Variants in MATR3 observed in about 807,000 individuals in gnomAD.
MATR3 encodes matrin-3.
In MATR3, 4 loss-of-function variants were observed where a neutral mutation model predicts 85.5. The ratio of observed to expected loss-of-function variants is 0.05; its 90% confidence interval spans 0.02 to 0.11. The LOEUF is 0.11. Ranked by LOEUF, MATR3 falls within the 10% of genes least tolerant of loss-of-function variation. MATR3 has a pLI of 1.00. For missense variants in MATR3, 685 were observed against 1,016.1 expected (o/e 0.67, Z 4.43); for synonymous variants, 336 against 343.1 (o/e 0.98, Z 0.23).
chr5:139,284,321 T>C (rs918064391), intron 3 of MATR3, among the ~76,000 whole-genome samples: 2 of 152,154 alleles, frequency 1.3e-5, no homozygotes, highest in Non-Finnish European at 2.9e-5. Flanking sequence ...TAAGTGATGA[T>C]AATGGATTTG....
Position 139,274,147 on chromosome 5 carries a change from T to C in MATR3, c.-301T>C, listed in dbSNP as rs1173208770. 4 of 432,370 alleles carry C rather than the reference T, an allele frequency of 9.3e-6. 1 individual carries two copies. The highest frequency in any genetic ancestry group is 6.5e-5 in the South Asian group (4 of 61,898). 26.8% of individuals were successfully genotyped at this position (432,370 alleles called of 1,614,324 possible). A position where few individuals can be genotyped will look rare whatever the true frequency, so the allele number is the denominator to read the frequency against. ...CCGGTGCTGCTGCGCCCTGCGGAGCTCCGAACACGTGCGCGTGAGTAAGGA... is the reference window on the plus strand; with the variant it reads ...CCGGTGCTGCTGCGCCCTGCGGAGCCCCGAACACGTGCGCGTGAGTAAGGA... On this transcript the variant is annotated 5_prime_UTR_variant, in exon 1 of 17. Coordinates refer to ENST00000509990, the Ensembl canonical transcript of MATR3.
At position 139,317,041 on chromosome 5, in the gene MATR3, CT is replaced by C; in HGVS notation, c.1130-10del. 1 of 1,603,696 alleles carries C rather than the reference CT, an allele frequency of 6.2e-7. No individual in the cohort carries two copies. Among genetic ancestry groups the C allele is most frequent in the Non-Finnish European group, 8.5e-7 (1 of 1,171,562 alleles). On this transcript the variant is annotated splice_polypyrimidine_tract_variant and intron_variant, in intron 5 of 14. Coordinates refer to ENST00000394805, the MANE Select transcript of MATR3 (RefSeq NM_018834.6). ...GTGATTACAAGACTGAAAACTTTCT[CT>C]TCCCATAAAGGTGCTGGAAATGGAA...
chr5:139,329,487 G>T lies in MATR3; in HGVS notation c.*92G>T, dbSNP rs1756024743. Reference sequence around the variant, plus strand: ...TTAAATACAATACTGATAGTTAGAAGAAAACTATTGTACTCTTTTGTTTTA... The same window carrying T: ...TTAAATACAATACTGATAGTTAGAATAAAACTATTGTACTCTTTTGTTTTA... On this transcript the variant is annotated 3_prime_UTR_variant, in exon 15 of 15. Transcript: ENST00000394805. 9.7e-7 allele frequency: 1 copy of T among 1,027,336 alleles called. No homozygotes were observed. Among genetic ancestry groups the T allele is most frequent in the Non-Finnish European group, 1.5e-6 (1 of 661,990 alleles). 63.6% of individuals were successfully genotyped at this position (1,027,336 alleles called of 1,614,324 possible). A position where few individuals can be genotyped will look rare whatever the true frequency, so the allele number is the denominator to read the frequency against.
At chr5:139,296,762 C>G (rs1183945006) in intron 1 of MATR3, among the ~76,000 whole-genome samples, 1 of 152,078 alleles carries the variant, frequency 6.6e-6, no homozygotes, top group Non-Finnish European at 1.5e-5. Flanking sequence ...GAATTGCAGC[C>G]AAAGAATTGA....
chr5:139,317,540 G>A, intron 6 of MATR3, 56 bp from the exon 7 acceptor site: 2 of 1,577,264 alleles, frequency 1.3e-6, no homozygotes, highest in Non-Finnish European at 1.7e-6. Flanking sequence ...TGCGTAATTG[G>A]TTTCATATTG....
At chr5:139,296,985 A>G (rs1218395631) in intron 1 of MATR3, among the ~76,000 whole-genome samples, 1 of 152,172 alleles carries the variant, frequency 6.6e-6, no homozygotes, top group African/African-American at 2.4e-5. Flanking sequence ...AGCTTGCCCA[A>G]CATGGCGAAA....
intron 2 of MATR3, chr5:139,276,342 G>A (rs1753274819): frequency 2.5e-6 from 1 of 398,910 alleles, no homozygotes. Flanking sequence ...ATTAAGGCAG[G>A]CGTGTTTTTT....
intron 1 of MATR3, among the ~76,000 whole-genome samples, chr5:139,298,317 A>T: frequency 6.6e-6 from 1 of 152,218 alleles, no homozygotes; most frequent in Non-Finnish European, 1.5e-5. Context: ...CACACCTGTA[A>T]TCCCAGCACT....
chr5:139,310,797 T>C (rs1754928742), intron 2 of MATR3: 1 of 151,882 alleles, frequency 6.6e-6, no homozygotes, highest in East Asian at 1.9e-4. Flanking sequence ...TTTCTTTTCT[T>C]TTTTTCTTTT....
At chr5:139,294,176 G>A in intron 1 of MATR3, 1 of 722,588 alleles carries the variant, frequency 1.4e-6, no homozygotes, top group Non-Finnish European at 1.9e-6. Context: ...CCCGTTACAC[G>A]CGGGCCGCGG....
rs1269705536 is a variant in MATR3, at chr5:139,308,381, A to G, written c.912+54A>G. 6 of 1,600,880 alleles carry G rather than the reference A, an allele frequency of 3.7e-6. No individual in the cohort carries two copies. In the East Asian group the frequency reaches 1.1e-4, roughly 30 times the overall value. On this transcript the variant is annotated intron_variant, in intron 2 of 14. Coordinates refer to ENST00000394805, the MANE Select transcript of MATR3 (RefSeq NM_018834.6). ...TTCTTTTACATTGTAGTGCCTATTT[A>G]CCTATATCTTTGACTCTAATTCTGT...
chr5:139,325,317 G>C (rs778793912), intron 12 of MATR3, 123 bp from the exon 13 acceptor site: 56 of 1,566,260 alleles, frequency 3.6e-5, no homozygotes, highest in Non-Finnish European at 4.7e-5. Flanking sequence ...AGGGAGTATG[G>C]AAGGTTTTGT....
At chr5:139,320,659 A>G (rs773636253) in intron 9 of MATR3, among the ~76,000 whole-genome samples, 3 of 151,680 alleles carry the variant, frequency 2.0e-5, no homozygotes, top group Non-Finnish European at 2.9e-5. Flanking sequence ...TTTGTTTTAA[A>G]CACTTCTGTA....
intron 1 of MATR3, among the ~76,000 whole-genome samples, chr5:139,301,636 G>T (rs1466291664): frequency 6.6e-6 from 1 of 151,988 alleles, no homozygotes; most frequent in Admixed American, 6.6e-5. Context: ...ATGGAGCCTT[G>T]AAAGAAATCA....
In MATR3 at chr5:139,315,758, C is replaced by T; in HGVS notation, c.1016+20C>T. 1.9e-6 allele frequency: 3 copies of T among 1,587,400 alleles called. No homozygotes were observed. Among genetic ancestry groups the T allele is most frequent in the Non-Finnish European group, 2.6e-6 (3 of 1,155,958 alleles). ...CACAATGTAAGTTAAATTTTTTAAGCTACCATTTGTAAAGGAGATCAATGT... is the reference window on the plus strand; with the variant it reads ...CACAATGTAAGTTAAATTTTTTAAGTTACCATTTGTAAAGGAGATCAATGT... On this transcript the variant is annotated intron_variant, in intron 4 of 14. Coordinates refer to ENST00000394805, the MANE Select transcript of MATR3 (RefSeq NM_018834.6).
chr5:139,302,126 C>T (rs1032144490), intron 1 of MATR3, among the ~76,000 whole-genome samples: 3 of 152,154 alleles, frequency 2.0e-5, no homozygotes, highest in Admixed American at 1.3e-4. Context: ...CCACACCCAC[C>T]TAATTTTTGC....
chr5:139,278,954 T>C (rs773870198), intron 2 of MATR3: 16 of 516,980 alleles, frequency 3.1e-5, no homozygotes, highest in Non-Finnish European at 5.0e-5. Flanking sequence ...CCTGTGGAGT[T>C]GATCCTAGTC....
chr5:139,325,747 C>G, intron 13 of MATR3, 85 bp downstream of exon 13: 1 of 1,174,400 alleles, frequency 8.5e-7, no homozygotes, highest in Non-Finnish European at 1.3e-6. Context: ...TAAAGTTGGT[C>G]TTACATAAGC....
chr5:139,293,244 AGTTT>A (rs1212619202), upstream of MATR3: 2 of 152,178 alleles, frequency 1.3e-5, no homozygotes, highest in African/African-American at 4.8e-5. Flanking sequence ...TGAGCAACAC[AGTTT>A]ATTTATGATA....
Sources: allele counts gnomAD v4.1 joint callset (sites outside exome capture counted in the v4.1 genomes callset), GRCh38; gene constraint gnomAD v4.1.1; transcripts MANE v1.5; gene names NCBI Gene and HGNC (gene_info 2026-07-23, HGNC 2026-07-21).